Variants in NIPAL4 observed in about 807,000 individuals in gnomAD.
The protein encoded by NIPAL4 is magnesium transporter NIPA4.
A neutral mutation model predicts 31.6 loss-of-function variants in NIPAL4; 21 were observed. The observed-to-expected ratio is 0.67, with a 90% CI of 0.47 to 0.96. The LOEUF (loss-of-function observed/expected upper bound fraction) is 0.96. Among genes scored for constraint, NIPAL4 ranks in the 40% least tolerant of loss-of-function variants. The probability of loss-of-function intolerance (pLI) is 0.00; values close to 1 mark genes in which losing one functional copy is unlikely to be tolerated. For missense variants in NIPAL4, 438 were observed against 508.0 expected (o/e 0.86, Z 1.32); for synonymous variants, 175 against 211.1 (o/e 0.83, Z 1.48).
rs573981326 is a variant in NIPAL4, at chr5:157,473,041, A to G, written c.*81A>G. 6.6e-6 allele frequency: 8 copies of G among 1,203,970 alleles called. No homozygotes were observed. In the African/African-American group the frequency reaches 1.2e-4, roughly 18 times the overall value. The allele number at this position is 1,203,970 out of a possible 1,614,324, so 74.6% of individuals were successfully genotyped here. Reference sequence around the variant, plus strand: ...TTTCAAAACCACCTGGTTATTTTCCAGTGCAACTGTTACCAATGGGCTCTC... The same window carrying G: ...TTTCAAAACCACCTGGTTATTTTCCGGTGCAACTGTTACCAATGGGCTCTC... On this transcript the variant is annotated 3_prime_UTR_variant, in exon 6 of 6. Coordinates refer to ENST00000311946, the MANE Select transcript of NIPAL4 (RefSeq NM_001099287.2).
At chr5:157,472,112 C>T (rs1436586102) in intron 5 of NIPAL4, among the ~76,000 whole-genome samples, 2 of 152,106 alleles carry the variant, frequency 1.3e-5, no homozygotes, top group Non-Finnish European at 2.9e-5. Flanking sequence ...TGAGGATGAT[C>T]CTATTGTTGG....
At chr5:157,468,250 G>C (rs1754336426) in intron 3 of NIPAL4, among the ~76,000 whole-genome samples, 1 of 152,090 alleles carries the variant, frequency 6.6e-6, no homozygotes, top group Non-Finnish European at 1.5e-5. Context: ...CTGCCTCTTA[G>C]TCCAGACTGT....
chr5:157,468,887 G>C, intron 4 of NIPAL4, 75 bp downstream of exon 4: 1 of 995,142 alleles, frequency 1.0e-6, no homozygotes, highest in Non-Finnish European at 1.5e-6. Context: ...TGCCAAGTGG[G>C]ATCGACTGCC....
chr5:157,460,252 C>T lies in NIPAL4; in HGVS notation c.-69C>T. ...GAGCCACGCGGGGGACAAGTCGCGG[C>T]CACCTGCTCCGGAGCTGGGGAGCCC... On this transcript the variant is annotated 5_prime_UTR_variant, in exon 1 of 6. Coordinates refer to ENST00000311946, the MANE Select transcript of NIPAL4 (RefSeq NM_001099287.2). 6.5e-7 allele frequency: 1 copy of T among 1,533,404 alleles called. No individual in the cohort carries two copies. Among genetic ancestry groups the T allele is most frequent in the Admixed American group, 2.0e-5 (1 of 49,202 alleles). 95.0% of individuals were successfully genotyped at this position (1,533,404 alleles called of 1,614,324 possible).
At chr5:157,460,663 G>A (rs552678160) in intron 1 of NIPAL4, 97 of 601,166 alleles carry the variant, frequency 1.6e-4, no homozygotes, top group African/African-American at 1.5e-3. Flanking sequence ...GGTGGGGGCG[G>A]GGGGAGGATT....
Position 157,460,487 on chromosome 5 carries a change from T to C in NIPAL4, c.37+130T>C, listed in dbSNP as rs1581263546. On this transcript the variant is annotated intron_variant, in intron 1 of 5. Coordinates refer to ENST00000311946, the MANE Select transcript of NIPAL4 (RefSeq NM_001099287.2). ...GGGGAGGGGCAGGGCCAGCACGAGG[T>C]GGCTCCCACCCAGCTTTGAAGATCT... is the stretch of plus-strand genomic sequence containing the variant. The C allele has an allele frequency of 4.5e-6, 4 of 895,082 alleles. No individual in the cohort carries two copies. In the Admixed American group the frequency reaches 8.0e-5, roughly 18 times the overall value. The allele number at this position is 895,082 out of a possible 1,614,324, so 55.4% of individuals were successfully genotyped here. A position where few individuals can be genotyped will look rare whatever the true frequency, so the allele number is the denominator to read the frequency against.
intron 1 of NIPAL4, among the ~76,000 whole-genome samples, chr5:157,460,754 T>C (rs1207113905): frequency 1.3e-5 from 2 of 151,988 alleles, no homozygotes; most frequent in Non-Finnish European, 2.9e-5. Context: ...GGGAGGACCA[T>C]CACAGGACGG....
intron 2 of NIPAL4, among the ~76,000 whole-genome samples, chr5:157,466,590 C>T (rs1754281500): frequency 1.3e-5 from 2 of 152,114 alleles, no homozygotes; most frequent in Admixed American, 6.6e-5. Flanking sequence ...TGGACACATG[C>T]GAGATCTTTT....
chr5:157,462,607 ATC>A (rs1754138944), intron 1 of NIPAL4, among the ~76,000 whole-genome samples: 1 of 152,228 alleles, frequency 6.6e-6, no homozygotes, highest in Non-Finnish European at 1.5e-5. Flanking sequence ...TAAGCTTAGA[ATC>A]TGACACTGGC....
chr5:157,461,196 C>A (rs368629808), intron 1 of NIPAL4, among the ~76,000 whole-genome samples: 1 of 152,228 alleles, frequency 6.6e-6, no homozygotes. Flanking sequence ...GTTTCCTGAA[C>A]AAGGCAGGCA....
intron 2 of NIPAL4, 45 bp downstream of exon 2, chr5:157,463,378 C>G (rs1438034922): frequency 1.3e-6 from 2 of 1,554,086 alleles, no homozygotes; most frequent in African/African-American, 2.7e-5. Flanking sequence ...GGCAGCTGAG[C>G]TCTCACAAGG....
At chr5:157,471,528 C>T (rs539654533) in intron 4 of NIPAL4, 129 bp from the exon 5 acceptor site, 14 of 702,872 alleles carry the variant, frequency 2.0e-5, no homozygotes, top group African/African-American at 2.0e-4. Flanking sequence ...TGGAAGAAAA[C>T]CTTCCACGTG....
intron 1 of NIPAL4, 32 bp from the exon 2 acceptor site, chr5:157,463,062 T>C (rs1380089983): frequency 1.9e-6 from 3 of 1,612,416 alleles, no homozygotes; most frequent in East Asian, 2.2e-5. Context: ...TTGTCCCCAG[T>C]GTGACTCTCT....
rs1443723776 is a variant in NIPAL4, at chr5:157,460,345, A to G, written c.25A>G (p.Ser9Gly). Residue 9 changes from serine (S) to glycine (G), a missense_variant, in exon 1 of 6, where the codon AGC (serine) becomes GGC (glycine). Physicochemically the swap from Ser to Gly is moderately conservative, Grantham distance 56 (BLOSUM62 0). Coordinates refer to ENST00000311946, the MANE Select transcript of NIPAL4 (RefSeq NM_001099287.2). MELRVSNT[S>G]CENGSLLHLY... Reference sequence around the variant, plus strand: ...CATGGAGCTGCGGGTCAGCAACACCAGCTGCGAGAACGGTGCGTACGGCAG... The same window carrying G: ...CATGGAGCTGCGGGTCAGCAACACCGGCTGCGAGAACGGTGCGTACGGCAG... The G allele has an allele frequency of 1.3e-6, 2 of 1,547,018 alleles. No homozygotes were observed. The highest frequency in any genetic ancestry group is 2.7e-5 in the African/African-American group (2 of 73,104).
chr5:157,472,866 G>C lies in NIPAL4; in HGVS notation c.1121G>C (p.Arg374Thr). The C allele has an allele frequency of 1.3e-6, 2 of 1,561,194 alleles. No homozygotes were observed. The highest frequency in any genetic ancestry group is 1.7e-6 in the Non-Finnish European group (2 of 1,148,962). Reference protein sequence around the residue: ...PSPAPEPTVIRLEDKNVLVDN... With the variant: ...PSPAPEPTVITLEDKNVLVDN... Reference sequence around the variant, plus strand: ...CCCGCCCCGGAACCCACTGTTATTAGACTGGAAGACAAGAACGTCCTTGTG... The same window carrying C: ...CCCGCCCCGGAACCCACTGTTATTACACTGGAAGACAAGAACGTCCTTGTG... Residue 374 changes from arginine (R) to threonine (T), a missense_variant, in exon 6 of 6, where the codon AGA becomes ACA. Transcript: ENST00000311946.
rs1459301989 is a variant in NIPAL4, at chr5:157,472,730, C to G, written c.985C>G (p.Leu329Val). The G allele has an allele frequency of 6.2e-7, 1 of 1,613,878 alleles. No homozygotes were observed. Among genetic ancestry groups the G allele is most frequent in the Non-Finnish European group, 8.5e-7 (1 of 1,179,786 alleles). ...SMSAVDIAGT[L>V]SGFVTIILGV... is the part of the protein sequence containing the mutation. ...GTCTGCTGTGGACATTGCAGGCACC[C>G]TCTCGGGCTTTGTCACCATCATCTT... Residue 329 changes from leucine (L) to valine (V), a missense_variant, in exon 6 of 6, where the codon CTC (leucine) becomes GTC (valine). By Grantham distance (32) the Leu-to-Val change is conservative. Coordinates refer to ENST00000311946, the MANE Select transcript of NIPAL4 (RefSeq NM_001099287.2).
chr5:157,474,375 T>C lies in NIPAL4; in HGVS notation c.*1415T>C, dbSNP rs575688427. ...GAGAAGAACCATTAGAAAGGGAAAT[T>C]AGTGGGCTGGTGTATCTGGAAAGAG... On this transcript the variant is annotated 3_prime_UTR_variant, in exon 6 of 6. Transcript: ENST00000311946. 6.6e-6 allele frequency: 1 copy of C among 152,294 alleles called. No individual in the cohort carries two copies. Among genetic ancestry groups the C allele is most frequent in the East Asian group, 1.9e-4 (1 of 5,180 alleles). 9.4% of individuals were successfully genotyped at this position (152,294 alleles called of 1,614,324 possible).
At chr5:157,468,578 C>G (rs2113665517) in intron 3 of NIPAL4, 144 bp from the exon 4 acceptor site, 1 of 619,882 alleles carries the variant, frequency 1.6e-6, no homozygotes, top group Non-Finnish European at 2.9e-6. Flanking sequence ...TTCGATCAGA[C>G]TCTCCAGGGA....
At position 157,474,004 on chromosome 5, in the gene NIPAL4, C is replaced by G. The variant is rs1403589320; in HGVS notation, c.*1044C>G. On this transcript the variant is annotated 3_prime_UTR_variant, in exon 6 of 6. Coordinates refer to ENST00000311946, the MANE Select transcript of NIPAL4 (RefSeq NM_001099287.2). ...GCTAACTTTTGTGTTGACTCTGGTG[C>G]TCATCTGGGAACTTAGGAGAAACGA... is the stretch of plus-strand genomic sequence containing the variant. 6.6e-6 allele frequency: 1 copy of G among 152,268 alleles called. No homozygotes were observed. The highest frequency in any genetic ancestry group is 1.5e-5 in the Non-Finnish European group (1 of 68,084). The allele number at this position is 152,268 out of a possible 1,614,324, so 9.4% of individuals were successfully genotyped here. A position where few individuals can be genotyped will look rare whatever the true frequency, so the allele number is the denominator to read the frequency against.
Sources: gnomAD v4.1 joint callset for allele counts (sites outside exome capture counted in the v4.1 genomes callset) on GRCh38, gnomAD v4.1.1 for gene constraint, MANE v1.5 for transcripts, NCBI Gene and HGNC (gene_info 2026-07-23, HGNC 2026-07-21) for gene names.